Variants in SAMD4A observed in about 807,000 individuals in gnomAD.
The protein encoded by SAMD4A is protein Smaug homolog 1.
Under a neutral mutation model 81.3 loss-of-function variants are expected in SAMD4A, and 33 were observed. The ratio of observed to expected loss-of-function variants is 0.41; its 90% CI spans 0.31 to 0.54. The LOEUF (loss-of-function observed/expected upper bound fraction) is 0.54, where lower values mean the gene tolerates loss of function less well. SAMD4A is among the 20% of genes least tolerant of loss of function. The pLI is 0.37. For synonymous variants in SAMD4A, 389 were observed against 382.1 expected (o/e 1.02, Z -0.21); for missense variants, 854 against 951.1 (o/e 0.90, Z 1.34).
At chr14:54,625,353 C>T (rs770325747) in intron 2 of SAMD4A, among the ~76,000 whole-genome samples, 5 of 152,200 alleles carry the variant, frequency 3.3e-5, no homozygotes, top group African/African-American at 1.2e-4. Context: ...ATTTCTGCTT[C>T]GTGACATTCT....
chr14:54,764,619 A>G lies in SAMD4A; in HGVS notation c.1596+79A>G. Reference sequence around the variant, plus strand: ...TTCTCAGAGTTTCTGTGATGTGATCATTTTAGCCTCCAACAACTTGTTTTT... The same window carrying G: ...TTCTCAGAGTTTCTGTGATGTGATCGTTTTAGCCTCCAACAACTTGTTTTT... On this transcript the variant is annotated intron_variant, in intron 8 of 12. Transcript: ENST00000554335. 2.1e-6 allele frequency: 2 copies of G among 941,086 alleles called. 1 individual carries two copies. The highest frequency in any genetic ancestry group is 3.1e-5 in the South Asian group (2 of 65,110). The allele number at this position is 941,086 out of a possible 1,614,324, so 58.3% of individuals were successfully genotyped here.
At position 54,760,402 on chromosome 14, in the gene SAMD4A, C is replaced by A. The variant is rs772636513; in HGVS notation, c.1418C>A (p.Pro473Gln). 2 of 1,485,172 alleles carry A rather than the reference C, an allele frequency of 1.3e-6. No individual in the cohort carries two copies. The highest frequency in any genetic ancestry group is 1.8e-6 in the Non-Finnish European group (2 of 1,129,924). 92.0% of individuals were successfully genotyped at this position (1,485,172 alleles called of 1,614,324 possible). A position where few individuals can be genotyped will look rare whatever the true frequency, so the allele number is the denominator to read the frequency against. The change falls in exon 7 of 13, where the codon CCG becomes CAG. Residue 473 changes from proline to glutamine, a missense_variant. By Grantham distance (76) the Pro-to-Gln change is moderately conservative (BLOSUM62 -1). This residue lies in a region of SAMD4A where 428 missense variants were observed against 471.2 expected (regional missense o/e 0.91). Transcript: ENST00000554335. ...GCCGGGGCCAGCGGGGGGCTCCAGC[C>A]GCACCAGCTGAGCAGCTGCGATGGG... ...PSAGASGGLQ[P>Q]HQLSSCDGEL... is the part of the protein sequence containing the mutation.
intron 2 of SAMD4A, among the ~76,000 whole-genome samples, chr14:54,670,672 G>A (rs567176168): frequency 2.0e-5 from 3 of 152,224 alleles, no homozygotes; most frequent in African/African-American, 4.8e-5. Flanking sequence ...GTATGTGATT[G>A]ATGGTAGCTG....
chr14:54,755,634 A>G (rs541176852), intron 6 of SAMD4A, among the ~76,000 whole-genome samples: 23 of 152,278 alleles, frequency 1.5e-4, no homozygotes, highest in Admixed American at 7.8e-4. Context: ...GCAGGTCACT[A>G]TGCCATGATG....
intron 2 of SAMD4A, among the ~76,000 whole-genome samples, chr14:54,630,198 G>C (rs934958176): frequency 6.6e-6 from 1 of 152,202 alleles, no homozygotes; most frequent in Non-Finnish European, 1.5e-5. Flanking sequence ...ATATCGAGAA[G>C]TGGAATTGCT....
At chr14:54,636,975 C>G (rs1465950929) in intron 2 of SAMD4A, among the ~76,000 whole-genome samples, 2 of 152,074 alleles carry the variant, frequency 1.3e-5, no homozygotes, top group Non-Finnish European at 2.9e-5. Flanking sequence ...ACTTTAAATA[C>G]CAACTATATG....
intron 6 of SAMD4A, among the ~76,000 whole-genome samples, chr14:54,758,517 A>G (rs1055655510): frequency 6.6e-6 from 1 of 152,228 alleles, no homozygotes; most frequent in African/African-American, 2.4e-5. Flanking sequence ...TGTCCTTGCT[A>G]TTCTGAGCTC....
chr14:54,577,397 T>C (rs1003150389), intron 2 of SAMD4A, among the ~76,000 whole-genome samples: 2 of 152,184 alleles, frequency 1.3e-5, no homozygotes, highest in African/African-American at 4.8e-5. Context: ...AAGAAGGTGT[T>C]TGTAAAGTCT....
rs147892114 is a variant in SAMD4A, at chr14:54,596,699, G to C, written c.196+28587G>C. On this transcript the variant is annotated intron_variant, in intron 2 of 12. Transcript: ENST00000554335. ...GCACTCTGCCAGGGAGGGAGCCGACGGGGAGATGCCCCAGCCTTTCTCTCC... is the reference window on the plus strand; with the variant it reads ...GCACTCTGCCAGGGAGGGAGCCGACCGGGAGATGCCCCAGCCTTTCTCTCC... Among the ~76,000 whole-genome samples, 806 of 152,336 alleles carry C rather than the reference G, an allele frequency of 5.3e-3. 12 individuals are homozygous for C. Among genetic ancestry groups the C allele is most frequent in the African/African-American group, 0.018 (761 of 41,568 alleles).
At chr14:54,739,477 G>C (rs2037791789) in intron 4 of SAMD4A, among the ~76,000 whole-genome samples, 1 of 150,442 alleles carries the variant, frequency 6.6e-6, no homozygotes, top group Admixed American at 6.6e-5. Flanking sequence ...AACTTCCTTG[G>C]ATTGGGATTC....
intron 12 of SAMD4A, among the ~76,000 whole-genome samples, chr14:54,785,084 T>G (rs1321749026): frequency 6.6e-6 from 1 of 152,218 alleles, no homozygotes; most frequent in East Asian, 1.9e-4. Context: ...GAAATATAAT[T>G]TTTGAAAAAC....
chr14:54,748,577 A>G (rs1475785552), intron 4 of SAMD4A, among the ~76,000 whole-genome samples: 2 of 152,122 alleles, frequency 1.3e-5, no homozygotes, highest in Admixed American at 1.3e-4. Context: ...CATGGACCCC[A>G]ACTTAGTACT....
chr14:54,678,977 G>A (rs2140559023), intron 2 of SAMD4A, among the ~76,000 whole-genome samples: 1 of 152,278 alleles, frequency 6.6e-6, no homozygotes, highest in South Asian at 2.1e-4. Context: ...TGCTATGTAA[G>A]GTTTAAAAAT....
intron 2 of SAMD4A, among the ~76,000 whole-genome samples, chr14:54,585,076 T>C (rs1366679404): frequency 6.6e-6 from 1 of 152,232 alleles, no homozygotes; most frequent in Non-Finnish European, 1.5e-5. Flanking sequence ...TTAGGTCCAT[T>C]TGACATACTG....
intron 3 of SAMD4A, among the ~76,000 whole-genome samples, chr14:54,714,325 A>G (rs2037065883): frequency 6.6e-6 from 1 of 152,188 alleles, no homozygotes; most frequent in South Asian, 2.1e-4. Flanking sequence ...TCTCACTCAC[A>G]CTGAATTCAA....
chr14:54,788,270 C>T (rs754615933), intron 12 of SAMD4A, among the ~76,000 whole-genome samples: 3 of 152,172 alleles, frequency 2.0e-5, no homozygotes, highest in African/African-American at 4.8e-5. Context: ...TCATCAGGGA[C>T]GTGGGTTGAG....
chr14:54,665,269 C>T lies in SAMD4A; in HGVS notation c.197-36793C>T, dbSNP rs572089587. Among the ~76,000 whole-genome samples the T allele has an allele frequency of 1.4e-4, 21 of 152,312 alleles. No individual in the cohort carries two copies. In the South Asian group the frequency reaches 4.4e-3, roughly 32 times the overall value. On this transcript the variant is annotated intron_variant, in intron 2 of 12. Transcript: ENST00000554335. ...CTTAAAATCATAAAACAGGTATGAT[C>T]ATTGGATTCCTATTCACCCAGGGAA...
chr14:54,702,873 G>A lies in SAMD4A; in HGVS notation c.715+293G>A. 8.3e-6 allele frequency: 3 copies of A among 362,868 alleles called. No homozygotes were observed. In the South Asian group the frequency reaches 1.6e-4, roughly 19 times the overall value. 22.5% of individuals were successfully genotyped at this position (362,868 alleles called of 1,614,324 possible). A position where few individuals can be genotyped will look rare whatever the true frequency, so the allele number is the denominator to read the frequency against. On this transcript the variant is annotated intron_variant, in intron 3 of 12. Coordinates refer to ENST00000554335, the MANE Select transcript of SAMD4A (RefSeq NM_015589.6). ...AGGAAACTTGCCGTTTCCACAATCAGAAATGCATTTCACCCATGTCTTTCA... is the reference window on the plus strand; with the variant it reads ...AGGAAACTTGCCGTTTCCACAATCAAAAATGCATTTCACCCATGTCTTTCA...
chr14:54,774,681 G>A (rs1418853257), intron 9 of SAMD4A, among the ~76,000 whole-genome samples: 1 of 150,982 alleles, frequency 6.6e-6, no homozygotes, highest in African/African-American at 2.4e-5. Context: ...GGGCATGGTG[G>A]CACATGCCTG....
Sources: allele counts gnomAD v4.1 joint callset (sites outside exome capture counted in the v4.1 genomes callset), GRCh38; gene constraint gnomAD v4.1.1; regional missense constraint gnomAD v4.1.1; transcripts MANE v1.5; gene names NCBI Gene and HGNC (gene_info 2026-07-23, HGNC 2026-07-21).